The following RGS6 variants were observed in gnomAD, a reference collection of about 807,000 sequenced individuals.
RGS6 encodes the protein regulator of G-protein signaling 6.
RGS6 carries 30 observed loss-of-function variants against 78.5 expected under a neutral mutation model. The observed-to-expected ratio is 0.38, with a 90% CI of 0.29 to 0.52. The LOEUF is 0.52. RGS6 is among the 20% of genes least tolerant of loss of function. The pLI is 0.85. For synonymous variants in RGS6, 206 were observed against 206.0 expected (o/e 1.00, Z 0.00); for missense variants, 495 against 609.7 (o/e 0.81, Z 1.98).
At chr14:72,093,372 A>T (rs1300957828) in intron 2 of RGS6, among the ~76,000 whole-genome samples, 1 of 152,070 alleles carries the variant, frequency 6.6e-6, no homozygotes, top group Non-Finnish European at 1.5e-5. Flanking sequence ...CCTCTTGAGT[A>T]GCTGGGACTA....
In RGS6 at chr14:72,011,732, T is replaced by C. The variant is rs966546144; in HGVS notation, c.84+46857T>C. On this transcript the variant is annotated intron_variant, in intron 2 of 17. Transcript: ENST00000553525. Reference sequence around the variant, plus strand: ...GTTATATGAAAATACTACACCACTTTATATTAATATAAGAGACTTGAGCAT... The same window carrying C: ...GTTATATGAAAATACTACACCACTTCATATTAATATAAGAGACTTGAGCAT... Among the ~76,000 whole-genome samples, 9 of 152,264 alleles carry C rather than the reference T, an allele frequency of 5.9e-5. No individual in the cohort carries two copies. In the South Asian group the frequency reaches 1.9e-3, roughly 32 times the overall value.
chr14:72,269,313 G>C (rs549838395), intron 2 of RGS6, among the ~76,000 whole-genome samples: 2 of 152,300 alleles, frequency 1.3e-5, no homozygotes, highest in Admixed American at 6.5e-5. Flanking sequence ...CAATCCCATT[G>C]CATTCCAGAT....
intron 6 of RGS6, among the ~76,000 whole-genome samples, chr14:72,464,386 A>T (rs2095850665): frequency 6.6e-6 from 1 of 152,242 alleles, no homozygotes; most frequent in Non-Finnish European, 1.5e-5. Flanking sequence ...GGGAACAACC[A>T]CAACTGACTC....
At chr14:72,296,124 T>C (rs548477090) in intron 2 of RGS6, among the ~76,000 whole-genome samples, 2 of 152,364 alleles carry the variant, frequency 1.3e-5, no homozygotes, top group African/African-American at 4.8e-5. Flanking sequence ...ATGTACTCTT[T>C]TGTGTCTACT....
chr14:72,156,074 C>A (rs1401799507), intron 2 of RGS6, among the ~76,000 whole-genome samples: 2 of 152,160 alleles, frequency 1.3e-5, no homozygotes, highest in African/African-American at 4.8e-5. Flanking sequence ...TTACAGTCTA[C>A]CTGAGTAATT....
chr14:72,065,813 G>A (rs2094117662), intron 2 of RGS6, among the ~76,000 whole-genome samples: 1 of 151,260 alleles, frequency 6.6e-6, no homozygotes, highest in Non-Finnish European at 1.5e-5. Context: ...GGGTACATGT[G>A]CACAATGTGC....
chr14:72,422,871 C>T (rs955326266), intron 3 of RGS6, among the ~76,000 whole-genome samples: 18 of 152,124 alleles, frequency 1.2e-4, no homozygotes, highest in African/African-American at 3.4e-4. Context: ...CAAGGAGCAC[C>T]GAGGATGCTC....
intron 2 of RGS6, among the ~76,000 whole-genome samples, chr14:72,264,438 A>G (rs951932541): frequency 4.6e-5 from 7 of 152,236 alleles, no homozygotes; most frequent in Non-Finnish European, 8.8e-5. Flanking sequence ...GAAAGCCACT[A>G]TGTATAAAAT....
At chr14:72,546,075 T>C (rs2097396787) in intron 17 of RGS6, among the ~76,000 whole-genome samples, 1 of 152,216 alleles carries the variant, frequency 6.6e-6, no homozygotes, top group African/African-American at 2.4e-5. Context: ...GCTCACCTGC[T>C]ACCAGGCTTT....
At position 72,327,253 on chromosome 14, in the gene RGS6, G is replaced by A. The variant is rs551687342; in HGVS notation, c.85-24842G>A. Reference sequence around the variant, plus strand: ...CCACATCTGCTACCTCCAGCTTTGTGACCTAGAGCAAACTGCAGGCCAGCT... The same window carrying A: ...CCACATCTGCTACCTCCAGCTTTGTAACCTAGAGCAAACTGCAGGCCAGCT... On this transcript the variant is annotated intron_variant, in intron 2 of 17. Transcript: ENST00000553525. Among the ~76,000 whole-genome samples the A allele has an allele frequency of 3.9e-5, 6 of 152,130 alleles. No individual in the cohort carries two copies. The South Asian group carries it at 1.3e-3, about 32-fold the overall frequency.
intron 3 of RGS6, among the ~76,000 whole-genome samples, chr14:72,433,727 C>A (rs951574521): frequency 1.2e-4 from 18 of 151,998 alleles, no homozygotes; most frequent in Admixed American, 1.1e-3. Flanking sequence ...AGTCCAGAGC[C>A]AAACTCTCGG....
At chr14:72,098,391 A>G (rs2095455366) in intron 2 of RGS6, among the ~76,000 whole-genome samples, 2 of 152,322 alleles carry the variant, frequency 1.3e-5, no homozygotes, top group South Asian at 2.1e-4. Context: ...GGCAGGTGCC[A>G]CTATTGTTTA....
the RGS6 span, among the ~76,000 whole-genome samples, chr14:71,908,769 T>A: frequency 1.2e-4 from 18 of 152,056 alleles, no homozygotes; most frequent in South Asian, 4.2e-4. Flanking sequence ...AGAATAAACA[T>A]GTTAGAGGAA....
chr14:72,057,277 G>C (rs970347158), intron 2 of RGS6, among the ~76,000 whole-genome samples: 7 of 130,822 alleles, frequency 5.4e-5, no homozygotes, highest in Non-Finnish European at 1.1e-4. Flanking sequence ...TCGTGCCATT[G>C]CACTCTAGCC....
At chr14:72,017,437 G>A (rs1038580558) in intron 2 of RGS6, among the ~76,000 whole-genome samples, 3 of 151,966 alleles carry the variant, frequency 2.0e-5, no homozygotes, top group Admixed American at 6.5e-5. Flanking sequence ...TTGTCTTGAT[G>A]TACTGACTTG....
chr14:72,036,237 G>A (rs2190866), intron 2 of RGS6, among the ~76,000 whole-genome samples: 3,943 of 118,564 alleles, frequency 0.033, 184 homozygotes, highest in African/African-American at 0.11. Context: ...TTATGGCTGA[G>A]CAGAATTCCA....
At chr14:72,003,179 A>G (rs545636309) in intron 2 of RGS6, among the ~76,000 whole-genome samples, 13 of 152,314 alleles carry the variant, frequency 8.5e-5, no homozygotes, top group African/African-American at 2.9e-4. Flanking sequence ...AGCTGCGGCT[A>G]CTATTTTACT....
Position 72,310,265 on chromosome 14 carries a change from C to T in RGS6, c.85-41830C>T, listed in dbSNP as rs371561461. On this transcript the variant is annotated intron_variant, in intron 2 of 17. Transcript: ENST00000553525. ...GAGAGGATGCCTGGCACTAGAGATA[C>T]AGCAGCAGCGGCGTCAGCCGCTGGT... is the stretch of plus-strand genomic sequence containing the variant. 3.9e-5 allele frequency among the ~76,000 whole-genome samples: 6 copies of T among 152,246 alleles called. No homozygotes were observed. The East Asian group carries it at 1.2e-3, about 29-fold the overall frequency.
intron 2 of RGS6, among the ~76,000 whole-genome samples, chr14:72,035,487 T>G (rs2091565549): frequency 6.6e-6 from 1 of 152,170 alleles, no homozygotes; most frequent in Non-Finnish European, 1.5e-5. Context: ...TACTCTAGTC[T>G]TTATTATTTC....
Sources: allele counts gnomAD v4.1 joint callset (sites outside exome capture counted in the v4.1 genomes callset), GRCh38; gene constraint gnomAD v4.1.1; transcripts MANE v1.5; gene names NCBI Gene and HGNC (gene_info 2026-07-23, HGNC 2026-07-21).